NAT16: variants seen among roughly 807,000 people sequenced by gnomAD.
NAT16 encodes probable N-acetyltransferase 16.
A neutral mutation model predicts 15.9 loss-of-function variants in NAT16; 16 were observed. That is an observed-to-expected ratio of 1.01 (90% CI 0.68 to 1.53). The LOEUF (loss-of-function observed/expected upper bound fraction) is 1.53. NAT16 is among the 40% of genes most tolerant of loss of function. NAT16 has a pLI of 0.00. For missense variants in NAT16, 572 were observed against 508.4 expected (o/e 1.13, Z -1.20); for synonymous variants, 260 against 241.9 (o/e 1.07, Z -0.69).
Position 101,172,048 on chromosome 7 carries a change from C to T in NAT16, c.*31G>A. 1 of 1,490,930 alleles carries T rather than the reference C, an allele frequency of 6.7e-7. No individual in the cohort carries two copies. Among genetic ancestry groups the T allele is most frequent in the Non-Finnish European group, 9.2e-7 (1 of 1,084,128 alleles). The allele number at this position is 1,490,930 out of a possible 1,614,324, so 92.4% of individuals were successfully genotyped here. On this transcript the variant is annotated 3_prime_UTR_variant, in exon 4 of 4. Coordinates refer to ENST00000300303, the MANE Select transcript of NAT16 (RefSeq NM_198571.3). The surrounding 1 kb of genome is among the most constrained non-coding windows in gnomAD (Gnocchi z 4.2). Reference sequence around the variant, plus strand: ...GGGGAAACTGCGGAAGGGGGCGGGTCTTTTTCCCCCTCCCCGCCAGAGGAG... The same window carrying T: ...GGGGAAACTGCGGAAGGGGGCGGGTTTTTTTCCCCCTCCCCGCCAGAGGAG...
chr7:101,177,969 A>G (rs1001162583), intron 1 of NAT16, among the ~76,000 whole-genome samples: 1 of 152,170 alleles, frequency 6.6e-6, no homozygotes, highest in Non-Finnish European at 1.5e-5. Context: ...CCAGCTGTTC[A>G]TGGGTCCCAG....
chr7:101,174,222 C>T, intron 2 of NAT16: 1 of 522,904 alleles, frequency 1.9e-6, no homozygotes, highest in East Asian at 3.1e-5. Context: ...ACCTCCTTTG[C>T]TTTTACCCCC....
Position 101,172,590 on chromosome 7 carries a change from G to T in NAT16, c.599C>A (p.Ala200Glu), listed in dbSNP as rs1286871088. ...GAAGGTGCCAGAGGTCCGCAGCGCC[G>T]CCAGCCGCGCGCCCAGCCCGGCCAG... ...ALLAGLGARL[A>E]ALRTSGTFSP... The change falls in exon 4 of 4, where the codon GCG (alanine) becomes GAG (glutamate). Residue 200 changes from alanine to glutamate, a missense_variant. Transcript: ENST00000300303. This position sits in a 1 kb window ranked among gnomAD's most constrained non-coding sequence, Gnocchi z 4.2. The T allele has an allele frequency of 1.3e-6, 2 of 1,527,316 alleles. No homozygotes were observed. Among genetic ancestry groups the T allele is most frequent in the African/African-American group, 1.4e-5 (1 of 70,184 alleles). The allele number at this position is 1,527,316 out of a possible 1,614,324, so 94.6% of individuals were successfully genotyped here.
In NAT16 at chr7:101,174,754, T is replaced by C. The variant is rs778629705; in HGVS notation, c.54A>G (p.Glu18=). 2 of 1,605,430 alleles carry C rather than the reference T, an allele frequency of 1.2e-6. No homozygotes were observed. The highest frequency in any genetic ancestry group is 1.7e-6 in the Non-Finnish European group (2 of 1,178,298). The change falls in exon 2 of 4, where the codon GAA becomes GAG. Residue 18 remains glutamate (E), a synonymous_variant. Coordinates refer to ENST00000300303, the MANE Select transcript of NAT16 (RefSeq NM_198571.3). ...GTATSEVPKP[E]KKTARDAEPS... ...GCTCTGCATCTCGGGCAGTCTTCTTTTCCGGCTTAGGGACCTCTGAGGTGG... is the reference window on the plus strand; with the variant it reads ...GCTCTGCATCTCGGGCAGTCTTCTTCTCCGGCTTAGGGACCTCTGAGGTGG...
chr7:101,172,472 G>A lies in NAT16; in HGVS notation c.717C>T (p.Gly239=). 6.3e-7 allele frequency: 1 copy of A among 1,600,000 alleles called. No homozygotes were observed. Among genetic ancestry groups the A allele is most frequent in the Non-Finnish European group, 8.5e-7 (1 of 1,177,250 alleles). ...SPSVQRDVLP[G]GTIIQDWQPY... is the part of the protein sequence containing the mutation. ...GCTGCCAGTCCTGGATGATGGTCCC[G>A]CCTGGAAGCACGTCGCGCTGCACGG... is the stretch of plus-strand genomic sequence containing the variant. Residue 239 remains glycine, a synonymous_variant, in exon 4 of 4, where the codon GGC becomes GGT. Transcript: ENST00000300303. The surrounding 1 kb of genome is among the most constrained non-coding windows in gnomAD (Gnocchi z 4.2).
intron 2 of NAT16, 135 bp from the exon 3 acceptor site, chr7:101,173,655 A>G (rs757720): frequency 0.76 from 538,479 of 706,930 alleles, 205,981 homozygotes; most frequent in Admixed American, 0.82. Context: ...GGCCTGGGGT[A>G]GCACGGCACT....
At position 101,170,955 on chromosome 7, in the gene NAT16, TG is replaced by T. The variant is rs1329326033; in HGVS notation, c.*1123del. On this transcript the variant is annotated 3_prime_UTR_variant, in exon 4 of 4. Coordinates refer to ENST00000300303, the MANE Select transcript of NAT16 (RefSeq NM_198571.3). ...GGGGAACCAGTATTGGAGACAGCGC[TG>T]TGCAGATGCAGCTGTTACTACTTGC... 13 of 152,420 alleles carry T rather than the reference TG, an allele frequency of 8.5e-5. No individual in the cohort carries two copies. Among genetic ancestry groups the T allele is most frequent in the Admixed American group, 7.8e-4 (12 of 15,296 alleles). 9.4% of individuals were successfully genotyped at this position (152,420 alleles called of 1,614,324 possible). A position where few individuals can be genotyped will look rare whatever the true frequency, so the allele number is the denominator to read the frequency against.
intron 1 of NAT16, 107 bp from the exon 2 acceptor site, chr7:101,174,918 C>A: frequency 1.6e-6 from 2 of 1,247,816 alleles, no homozygotes; most frequent in Non-Finnish European, 2.0e-6. Context: ...AATAGCCTTT[C>A]TTTTTCTTTT....
At position 101,173,404 on chromosome 7, in the gene NAT16, G is replaced by T; in HGVS notation, c.429C>A (p.Cys143Ter). 2 of 1,613,736 alleles carry T rather than the reference G, an allele frequency of 1.2e-6. No homozygotes were observed. The highest frequency in any genetic ancestry group is 1.7e-6 in the Non-Finnish European group (2 of 1,179,812). The change falls in exon 3 of 4, where the codon TGC becomes TGA. Residue 143 changes from cysteine (C) to a stop codon, truncating the protein, a stop_gained. Coordinates refer to ENST00000300303, the MANE Select transcript of NAT16 (RefSeq NM_198571.3). LOFTEE classifies it high-confidence loss of function. ...KGVAGLLQRF[C>*]SQLVKRQHPG... is the part of the protein sequence containing the mutation. Reference sequence around the variant, plus strand: ...GGTGCTGTCTCTTGACCAGCTGCGAGCAGAAGCGCTGCAGCAGCCCGGCCA... The same window carrying T: ...GGTGCTGTCTCTTGACCAGCTGCGATCAGAAGCGCTGCAGCAGCCCGGCCA...
Position 101,173,364 on chromosome 7 carries a change from C to A in NAT16, c.469G>T (p.Ala157Ser), listed in dbSNP as rs1264972036. Reference sequence around the variant, plus strand: ...AGCTGGTCGTCCCGGGTGAGCCGTGCCACCTTGACCCCCGGGTGCTGTCTC... The same window carrying A: ...AGCTGGTCGTCCCGGGTGAGCCGTGACACCTTGACCCCCGGGTGCTGTCTC... ...VKRQHPGVKV[A>S]RLTRDDQLGP... Residue 157 changes from alanine to serine, a missense_variant, in exon 3 of 4, where the codon GCA becomes TCA. Physicochemically the swap from Ala to Ser is moderately conservative, Grantham distance 99. Coordinates refer to ENST00000300303, the MANE Select transcript of NAT16 (RefSeq NM_198571.3). 6.2e-7 allele frequency: 1 copy of A among 1,614,046 alleles called. No homozygotes were observed. Among genetic ancestry groups the A allele is most frequent in the South Asian group, 1.1e-5 (1 of 91,074 alleles).
At chr7:101,176,859 T>C (rs1301977177) in intron 1 of NAT16, among the ~76,000 whole-genome samples, 1 of 152,148 alleles carries the variant, frequency 6.6e-6, no homozygotes, top group African/African-American at 2.4e-5. Context: ...AGACCAGCTA[T>C]TCTGTGGGGG....
intron 1 of NAT16, among the ~76,000 whole-genome samples, chr7:101,178,038 G>A (rs1205517312): frequency 2.0e-5 from 3 of 152,188 alleles, no homozygotes; most frequent in African/African-American, 7.2e-5. Context: ...ACCCCCAAAG[G>A]TGATAAGTTG....
intron 1 of NAT16, among the ~76,000 whole-genome samples, chr7:101,177,974 T>C (rs1797502773): frequency 6.6e-6 from 1 of 152,124 alleles, no homozygotes; most frequent in South Asian, 2.1e-4. Context: ...TGTTCATGGG[T>C]CCCAGGAAAA....
intron 1 of NAT16, among the ~76,000 whole-genome samples, chr7:101,178,710 T>TAAAAAAAAA (rs386410830): frequency 2.5e-4 from 18 of 72,770 alleles, no homozygotes; most frequent in Admixed American, 8.0e-4. Context: ...CTCTCTCTAC[T>TAAAAAAAAA]AAAAAAAAAA....
In NAT16 at chr7:101,173,312, C is replaced by T. The variant is rs1254747811; in HGVS notation, c.521G>A (p.Arg174His). ...CCTTCTCACCTGCTTGGTGATTAGG[C>T]GGTATTTCTTCAGCTCCCGGGGGCC... The part of the protein sequence containing the change: ...QLGPRELKKY[R>H]LITKQGILLV... Residue 174 changes from arginine to histidine, a missense_variant, in exon 3 of 4, where the codon CGC becomes CAC. Arg to His is a conservative substitution (Grantham distance 29). Coordinates refer to ENST00000300303, the MANE Select transcript of NAT16 (RefSeq NM_198571.3). 1.9e-6 allele frequency: 3 copies of T among 1,613,814 alleles called. No individual in the cohort carries two copies. The Admixed American group carries it at 5.0e-5, about 27-fold the overall frequency.
chr7:101,175,468 C>A (rs1238882310), intron 1 of NAT16, among the ~76,000 whole-genome samples: 1 of 151,936 alleles, frequency 6.6e-6, no homozygotes. Context: ...AGCTCCCTCC[C>A]TCTTCCCACC....
chr7:101,173,641 GC>G, intron 2 of NAT16, 121 bp from the exon 3 acceptor site: 1 of 907,934 alleles, frequency 1.1e-6, no homozygotes, highest in Non-Finnish European at 1.6e-6. Context: ...CGGGCACCAG[GC>G]CAGGCCTGGG....
chr7:101,176,503 G>GAAAAA (rs71895915), intron 1 of NAT16, among the ~76,000 whole-genome samples: 1 of 118,754 alleles, frequency 8.4e-6, no homozygotes, highest in African/African-American at 3.3e-5. Flanking sequence ...TCTGTCTCAA[G>GAAAAA]AAAAAAAAAA....
chr7:101,177,269 C>T (rs563990745), intron 1 of NAT16, among the ~76,000 whole-genome samples: 4 of 152,288 alleles, frequency 2.6e-5, no homozygotes, highest in Admixed American at 6.5e-5. Context: ...CAGAGCCAGG[C>T]TAAAAGTTAA....
Sources: allele counts gnomAD v4.1 joint callset (sites outside exome capture counted in the v4.1 genomes callset), GRCh38; gene constraint gnomAD v4.1.1; non-coding constraint Gnocchi (gnomAD v3.1); transcripts MANE v1.5; gene names NCBI Gene and HGNC (gene_info 2026-07-23, HGNC 2026-07-21).